Variants in PTPRN2 observed in about 807,000 individuals in gnomAD.
The protein encoded by PTPRN2 is protein tyrosine phosphatase receptor type N2, also known as receptor-type tyrosine-protein phosphatase N2.
A neutral mutation model predicts 118.8 loss-of-function variants in PTPRN2; 74 were observed. The observed-to-expected ratio is 0.62, with a 90% confidence interval of 0.52 to 0.76. The LOEUF (loss-of-function observed/expected upper bound fraction) is 0.76, where lower values mean the gene tolerates loss of function less well. Among genes scored for constraint, PTPRN2 ranks in the 30% least tolerant of loss-of-function variants. The pLI, the probability that PTPRN2 is intolerant of heterozygous loss-of-function variation, is 0.00. For synonymous variants in PTPRN2, 641 were observed against 608.0 expected (o/e 1.05, Z -0.80); for missense variants, 1,481 against 1,394.4 (o/e 1.06, Z -0.99).
intron 11 of PTPRN2, among the ~76,000 whole-genome samples, chr7:157,921,414 T>C (rs770924126): frequency 6.6e-5 from 10 of 152,346 alleles, no homozygotes; most frequent in Admixed American, 1.3e-4. Flanking sequence ...CGTGTCATCA[T>C]ACACTTGCCC....
At chr7:158,285,633 C>T (rs1287924315) in intron 3 of PTPRN2, among the ~76,000 whole-genome samples, 1 of 152,204 alleles carries the variant, frequency 6.6e-6, no homozygotes, top group Non-Finnish European at 1.5e-5. Flanking sequence ...CCTGCCATTC[C>T]CACACCACAG....
intron 12 of PTPRN2, among the ~76,000 whole-genome samples, chr7:157,710,614 G>A (rs1798561398): frequency 6.6e-6 from 1 of 152,074 alleles, no homozygotes; most frequent in Non-Finnish European, 1.5e-5. Context: ...ACCGTGCACA[G>A]CTCCCAGATG....
At chr7:157,847,736 C>T (rs1171349127) in intron 12 of PTPRN2, among the ~76,000 whole-genome samples, 1 of 144,266 alleles carries the variant, frequency 6.9e-6, no homozygotes, top group Non-Finnish European at 1.5e-5. Flanking sequence ...CCAATGTCTA[C>T]AGAGCCCTCT....
At chr7:157,858,081 C>CA (rs777572451) in intron 12 of PTPRN2, among the ~76,000 whole-genome samples, 11 of 116,892 alleles carry the variant, frequency 9.4e-5, no homozygotes, top group African/African-American at 3.8e-4. Flanking sequence ...GGGAGAACCC[C>CA]GTCACCACCC....
At chr7:158,520,612 T>C (rs1823908463) in intron 1 of PTPRN2, among the ~76,000 whole-genome samples, 2 of 152,246 alleles carry the variant, frequency 1.3e-5, no homozygotes, top group South Asian at 4.1e-4. Flanking sequence ...TTCCAAGCTC[T>C]GGGCGGCCTT....
At chr7:157,795,571 T>G (rs1585489777) in intron 12 of PTPRN2, among the ~76,000 whole-genome samples, 1 of 152,284 alleles carries the variant, frequency 6.6e-6, no homozygotes, top group East Asian at 1.9e-4. Flanking sequence ...GTGCTTGCTC[T>G]GACATTTGCC....
chr7:158,487,558 G>C (rs1410392474), intron 2 of PTPRN2, among the ~76,000 whole-genome samples: 1 of 152,178 alleles, frequency 6.6e-6, no homozygotes, highest in Admixed American at 6.6e-5. Context: ...AGCTTGATAA[G>C]ATTATATATT....
At chr7:157,749,279 C>T (rs1156416610) in intron 12 of PTPRN2, among the ~76,000 whole-genome samples, 3 of 122,072 alleles carry the variant, frequency 2.5e-5, no homozygotes, top group South Asian at 2.9e-4. Context: ...GTGAACTGCC[C>T]GGGTGATTCT....
chr7:158,258,525 T>A (rs1797178950), intron 3 of PTPRN2, among the ~76,000 whole-genome samples: 1 of 152,200 alleles, frequency 6.6e-6, no homozygotes, highest in Non-Finnish European at 1.5e-5. Context: ...GCCCTGCTGA[T>A]CCTCTGCATC....
At chr7:158,043,505 G>C (rs568240608) in intron 11 of PTPRN2, among the ~76,000 whole-genome samples, 1 of 141,684 alleles carries the variant, frequency 7.1e-6, no homozygotes, top group South Asian at 2.2e-4. Context: ...GGGTTGGTAA[G>C]TTTTTCAACA....
rs1164474768 is a variant in PTPRN2, at chr7:158,332,720, C to T, written c.164-15788G>A. Among the ~76,000 whole-genome samples, 20 of 151,344 alleles carry T rather than the reference C, an allele frequency of 1.3e-4. No individual in the cohort carries two copies. In the East Asian group the frequency reaches 1.4e-3, roughly 10 times the overall value. On this transcript the variant is annotated intron_variant, in intron 2 of 22. Transcript: ENST00000389418. ...AGTTGACACCTGCAGATGTCACTTA[C>T]ACCCACACTCTCACCATAAGAGCTG... is the stretch of plus-strand genomic sequence containing the variant.
chr7:158,083,590 A>C (rs4909157), intron 10 of PTPRN2, among the ~76,000 whole-genome samples: 123,458 of 152,186 alleles, frequency 0.81, 51,350 homozygotes, highest in East Asian at 1. Context: ...TGTGACCCAT[A>C]CATGGCCCCG....
rs11972873 is a variant in PTPRN2 at position 157,638,461 on chromosome 7, C to T, written c.2197-16952G>A. On this transcript the variant is annotated intron_variant, in intron 14 of 22. Coordinates refer to ENST00000389418, the MANE Select transcript of PTPRN2 (RefSeq NM_002847.5). The stretch of plus-strand genomic sequence containing the variant: ...TAAAATGTTGGTGAAGGGAAGAGAA[C>T]ATTCAGGCTTCCATAGTCAACCACA... Among the ~76,000 whole-genome samples, 132 of 152,376 alleles carry T rather than the reference C, an allele frequency of 8.7e-4. 2 individuals are homozygous for T. The highest frequency in any genetic ancestry group is 3.1e-3 in the African/African-American group (127 of 41,590).
At position 157,603,047 on chromosome 7, in the gene PTPRN2, C is replaced by T. The variant is rs539864550; in HGVS notation, c.2418+955G>A. Reference sequence around the variant, plus strand: ...AGGGGGAAACATGACAACCAGTGTCCGCCATAAATCTGCATGGAGCCCCAG... The same window carrying T: ...AGGGGGAAACATGACAACCAGTGTCTGCCATAAATCTGCATGGAGCCCCAG... On this transcript the variant is annotated intron_variant, in intron 16 of 22. Transcript: ENST00000389418. The surrounding 1 kb of genome is among the most constrained non-coding windows in gnomAD (Gnocchi z 5.4). 1.1e-3 allele frequency among the ~76,000 whole-genome samples: 172 copies of T among 152,280 alleles called. No individual in the cohort carries two copies. The highest frequency in any genetic ancestry group is 3.9e-3 in the African/African-American group (164 of 41,558).
intron 10 of PTPRN2, among the ~76,000 whole-genome samples, chr7:158,089,562 TTCTTCCCCTGATGAAAGAGGGAGTCTTCA>T (rs1813829356): frequency 9.5e-5 from 11 of 116,000 alleles, no homozygotes; most frequent in African/African-American, 2.1e-4. Flanking sequence ...CACACAAACC[TTCTTCCCCTGATGAAAGAGGGAGTCTTCA>T]CACAAACCTT....
Position 157,568,984 on chromosome 7 carries a change from G to T in PTPRN2, c.2838-18C>A, listed in dbSNP as rs1423845421. On this transcript the variant is annotated intron_variant, in intron 20 of 22. Transcript: ENST00000389418. ...CACCGTCACTGCCAACAGAAGGAGA[G>T]AAATGAAAGTGCTGCCGTCCACACG... The T allele has an allele frequency of 1.9e-6, 3 of 1,544,106 alleles. No individual in the cohort carries two copies. The highest frequency in any genetic ancestry group is 1.7e-5 in the Admixed American group (1 of 59,898).
intron 1 of PTPRN2, among the ~76,000 whole-genome samples, chr7:158,580,017 A>T (rs961430284): frequency 8.5e-5 from 13 of 152,224 alleles, no homozygotes; most frequent in African/African-American, 2.4e-4. Context: ...AGAGAAAGAG[A>T]TTCAAGAACT....
chr7:158,076,021 T>C (rs1170548147), intron 11 of PTPRN2, among the ~76,000 whole-genome samples: 8 of 152,260 alleles, frequency 5.3e-5, no homozygotes, highest in Admixed American at 3.3e-4. Flanking sequence ...CTGGGATCCC[T>C]GTGCCTGGAA....
intron 2 of PTPRN2, among the ~76,000 whole-genome samples, chr7:158,487,697 G>A (rs1014527432): frequency 6.6e-6 from 1 of 152,030 alleles, no homozygotes; most frequent in Non-Finnish European, 1.5e-5. Flanking sequence ...CTGGGCTGCC[G>A]CACCCCTGGC....
Sources: allele counts gnomAD v4.1 joint callset (sites outside exome capture counted in the v4.1 genomes callset), GRCh38; gene constraint gnomAD v4.1.1; non-coding constraint Gnocchi (gnomAD v3.1); transcripts MANE v1.5; gene names NCBI Gene and HGNC (gene_info 2026-07-23, HGNC 2026-07-21).